The following PCDHA6 variants were observed in gnomAD, a reference collection of about 807,000 sequenced individuals.
PCDHA6 encodes the protein protocadherin alpha-6.
PCDHA6 carries 55 observed loss-of-function variants against 60.3 expected under a neutral mutation model. The observed-to-expected ratio is 0.91, with a 90% CI of 0.73 to 1.14. The LOEUF is 1.14. Among genes scored for constraint, PCDHA6 ranks in the 50% most tolerant of loss-of-function variants. PCDHA6 has a pLI of 0.00. For missense variants in PCDHA6, 1,327 were observed against 1,256.5 expected (o/e 1.06, Z -0.85); for synonymous variants, 652 against 557.9 (o/e 1.17, Z -2.38).
intron 1 of PCDHA6, among the ~76,000 whole-genome samples, chr5:140,934,050 C>T (rs558726288): frequency 6.6e-6 from 1 of 151,952 alleles, no homozygotes; most frequent in East Asian, 1.9e-4. Flanking sequence ...TTAGTCTTTC[C>T]AAGGCTAACT....
chr5:140,963,838 T>C (rs1414191733), intron 1 of PCDHA6, among the ~76,000 whole-genome samples: 3 of 152,254 alleles, frequency 2.0e-5, no homozygotes, highest in Admixed American at 1.3e-4. Context: ...CATTTTCTCA[T>C]GTAATCATAA....
At chr5:140,884,166 C>A in intron 1 of PCDHA6, 1 of 1,613,430 alleles carries the variant, frequency 6.2e-7, no homozygotes, top group Non-Finnish European at 8.5e-7. Context: ...GAGATCAGCA[C>A]GACGCGCCCT....
In PCDHA6 at chr5:141,011,725, TGCAA is replaced by T. The variant is rs1283017882; in HGVS notation, c.*1792_*1795del. 6.5e-6 allele frequency: 1 copy of T among 153,742 alleles called. No individual in the cohort carries two copies. The highest frequency in any genetic ancestry group is 1.5e-5 in the Non-Finnish European group (1 of 68,032). The allele number at this position is 153,742 out of a possible 1,614,324, so 9.5% of individuals were successfully genotyped here. ...ATACTGACAATATTCCATGAGGGTG[TGCAA>T]GCACAAATTTTACCAATCTGACCTC... On this transcript the variant is annotated 3_prime_UTR_variant, in exon 4 of 4. Coordinates refer to ENST00000529310, the MANE Select transcript of PCDHA6 (RefSeq NM_018909.4).
chr5:140,949,976 TACTTA>T (rs2094437494), intron 1 of PCDHA6, among the ~76,000 whole-genome samples: 1 of 151,940 alleles, frequency 6.6e-6, no homozygotes, highest in Admixed American at 6.6e-5. Flanking sequence ...ACAGCATACA[TACTTA>T]ACTTTTCTCA....
intron 1 of PCDHA6, among the ~76,000 whole-genome samples, chr5:140,912,685 G>A (rs2076025155): frequency 6.6e-6 from 1 of 152,060 alleles, no homozygotes; most frequent in Non-Finnish European, 1.5e-5. Flanking sequence ...CTTATTCCAG[G>A]TCTCAGGGGG....
rs77462249 is a variant in PCDHA6 at position 141,008,293 on chromosome 5, C to G, written c.2543-1334C>G. ...ATAGGAAATTGAAATAGCAGTTGTA[C>G]CCAACCCTAAACTGTAATTGAACAT... On this transcript the variant is annotated intron_variant, in intron 3 of 3. Coordinates refer to ENST00000529310, the MANE Select transcript of PCDHA6 (RefSeq NM_018909.4). 3.5e-3 allele frequency among the ~76,000 whole-genome samples: 527 copies of G among 152,254 alleles called. 1 individual carries two copies. The highest frequency in any genetic ancestry group is 5.9e-3 in the Non-Finnish European group (399 of 68,006).
chr5:140,927,640 A>G (rs2084459027), intron 1 of PCDHA6: 8 of 1,614,138 alleles, frequency 5.0e-6, no homozygotes, highest in Non-Finnish European at 6.8e-6. Flanking sequence ...ACCCAATGGG[A>G]CTGTGTTATT....
chr5:140,835,534 AG>A, intron 1 of PCDHA6: 1 of 1,613,954 alleles, frequency 6.2e-7, no homozygotes, highest in Non-Finnish European at 8.5e-7. Flanking sequence ...GTCAACGGAC[AG>A]GTTACCTGCT....
At chr5:140,914,360 T>C (rs782101976) in intron 1 of PCDHA6, among the ~76,000 whole-genome samples, 10 of 152,218 alleles carry the variant, frequency 6.6e-5, no homozygotes, top group Non-Finnish European at 1.5e-4. Context: ...GTTTTTGTCT[T>C]GAGATCTATT....
In PCDHA6 at chr5:140,829,831, G is replaced by A. The variant is rs2150175652; in HGVS notation, c.1740G>A (p.Leu580=). The change falls in exon 1 of 4, where the codon CTG becomes CTA. Residue 580 remains leucine, a synonymous_variant. Transcript: ENST00000529310. ...GTACTGGTGGTGCAGTGAGCGAGCT[G>A]GTGCCGCGGTCACTGGGTGCAGGCC... ...VGGTGGAVSE[L]VPRSLGAGQV... The A allele has an allele frequency of 6.2e-7, 1 of 1,613,918 alleles. No homozygotes were observed. The highest frequency in any genetic ancestry group is 8.5e-7 in the Non-Finnish European group (1 of 1,179,892).
chr5:141,009,942 C>T lies in PCDHA6; in HGVS notation c.*5C>T, dbSNP rs782819309. The T allele has an allele frequency of 6.3e-7, 1 of 1,597,438 alleles. No individual in the cohort carries two copies. The highest frequency in any genetic ancestry group is 1.1e-5 in the South Asian group (1 of 87,840). ...ACTGACAACAGTGACCAGTGAGGTCCTCAAATGGAAACAAGCCACTTAGCC... is the reference window on the plus strand; with the variant it reads ...ACTGACAACAGTGACCAGTGAGGTCTTCAAATGGAAACAAGCCACTTAGCC... On this transcript the variant is annotated 3_prime_UTR_variant, in exon 4 of 4. Coordinates refer to ENST00000529310, the MANE Select transcript of PCDHA6 (RefSeq NM_018909.4).
At chr5:140,863,421 CGTA>C in intron 1 of PCDHA6, 3 of 689,676 alleles carry the variant, frequency 4.3e-6, no homozygotes, top group Non-Finnish European at 7.6e-6. Flanking sequence ...TGTACCGCAG[CGTA>C]GTGGGATCTG....
intron 1 of PCDHA6, among the ~76,000 whole-genome samples, chr5:140,905,357 A>G (rs1280254509): frequency 1.3e-5 from 2 of 152,052 alleles, no homozygotes; most frequent in African/African-American, 4.8e-5. Flanking sequence ...GTATTTGACT[A>G]TATTTCTGGT....
At chr5:140,913,934 G>C (rs1554196103) in intron 1 of PCDHA6, among the ~76,000 whole-genome samples, 1 of 152,102 alleles carries the variant, frequency 6.6e-6, no homozygotes, top group African/African-American at 2.4e-5. Context: ...TGTGGTCAGA[G>C]AAGAATCTTG....
Position 140,828,025 on chromosome 5 carries a change from G to T in PCDHA6, c.-67G>T. ...CAGAAGAAATGGATTAATAAATTCC[G>T]GAACATACAGTATTTTATCTTTATG... On this transcript the variant is annotated 5_prime_UTR_variant, in exon 1 of 4. Coordinates refer to ENST00000529310, the MANE Select transcript of PCDHA6 (RefSeq NM_018909.4). 6.6e-7 allele frequency: 1 copy of T among 1,517,256 alleles called. No individual in the cohort carries two copies. Among genetic ancestry groups the T allele is most frequent in the Non-Finnish European group, 8.8e-7 (1 of 1,131,976 alleles). The allele number at this position is 1,517,256 out of a possible 1,614,324, so 94.0% of individuals were successfully genotyped here. A position where few individuals can be genotyped will look rare whatever the true frequency, so the allele number is the denominator to read the frequency against.
intron 1 of PCDHA6, among the ~76,000 whole-genome samples, chr5:140,895,655 A>G (rs2065093360): frequency 6.6e-6 from 1 of 152,154 alleles, no homozygotes. Context: ...TCCCACTTAT[A>G]AGTGAGAACA....
intron 3 of PCDHA6, among the ~76,000 whole-genome samples, chr5:140,984,282 C>T (rs543279467): frequency 6.6e-6 from 1 of 152,296 alleles, no homozygotes; most frequent in Admixed American, 6.5e-5. Flanking sequence ...ATACATTCTC[C>T]CTCCCATTGG....
Position 140,833,676 on chromosome 5 carries a change from C to T in PCDHA6, c.2394+3191C>T, listed in dbSNP as rs2150210377. On this transcript the variant is annotated intron_variant, in intron 1 of 3. Coordinates refer to ENST00000529310, the MANE Select transcript of PCDHA6 (RefSeq NM_018909.4). ...AAATTCTTCCCCTTCAAAGATTCCC[C>T]AAACCTTCTCTTATTTTGTTTTCCC... Among the ~76,000 whole-genome samples, 6 of 152,216 alleles carry T rather than the reference C, an allele frequency of 3.9e-5. No homozygotes were observed. In the Middle Eastern group the frequency reaches 0.014, roughly 345 times the overall value.
chr5:140,883,256 A>G, intron 1 of PCDHA6: 2 of 1,614,146 alleles, frequency 1.2e-6, no homozygotes, highest in Non-Finnish European at 1.7e-6. Flanking sequence ...AAATATTCCA[A>G]TGGCGGGTCA....
Sources: allele counts gnomAD v4.1 joint callset (sites outside exome capture counted in the v4.1 genomes callset), GRCh38; gene constraint gnomAD v4.1.1; transcripts MANE v1.5; gene names NCBI Gene and HGNC (gene_info 2026-07-23, HGNC 2026-07-21).